The following ARMC2 variants were observed in gnomAD, a reference collection of about 807,000 sequenced individuals.
The protein encoded by ARMC2 is armadillo repeat-containing protein 2.
ARMC2 carries 67 observed loss-of-function variants against 90.3 expected under a neutral mutation model. The ratio of observed to expected loss-of-function variants is 0.74; its 90% CI spans 0.61 to 0.91. ARMC2 has a LOEUF of 0.91. ARMC2 is among the 40% of genes least tolerant of loss of function. The pLI is 0.00. For synonymous variants in ARMC2, 393 were observed against 393.0 expected (o/e 1.00, Z 0.00); for missense variants, 920 against 1,030.9 (o/e 0.89, Z 1.47).
At chr6:108,959,295 A>G (rs1046901046) in intron 13 of ARMC2, among the ~76,000 whole-genome samples, 1 of 152,210 alleles carries the variant, frequency 6.6e-6, no homozygotes, top group Non-Finnish European at 1.5e-5. Context: ...ACAGGAAAAG[A>G]TGGCCAAAGG....
At chr6:109,024,429 G>A in the ARMC2 span, among the ~76,000 whole-genome samples, 2 of 152,032 alleles carry the variant, frequency 1.3e-5, no homozygotes, top group Admixed American at 1.3e-4. Flanking sequence ...TTTCTATAAG[G>A]GTAATGGTCC....
the ARMC2 span, among the ~76,000 whole-genome samples, chr6:109,005,370 A>C: frequency 6.6e-6 from 1 of 152,174 alleles, no homozygotes; most frequent in South Asian, 2.1e-4. Flanking sequence ...AGGAAAAAAA[A>C]CCTCACTGAT....
At chr6:108,863,490 A>C (rs1037666414) in intron 3 of ARMC2, among the ~76,000 whole-genome samples, 12 of 152,164 alleles carry the variant, frequency 7.9e-5, no homozygotes, top group Admixed American at 7.9e-4. Flanking sequence ...GAGCACTGAG[A>C]CCTGGGGCAG....
At chr6:108,942,224 C>A (rs1442872412) in intron 12 of ARMC2, among the ~76,000 whole-genome samples, 2 of 152,192 alleles carry the variant, frequency 1.3e-5, no homozygotes, top group African/African-American at 4.8e-5. Flanking sequence ...GCTTTGGCAC[C>A]TGTAAGGTGT....
chr6:108,869,196 A>T (rs1449789510), intron 4 of ARMC2, among the ~76,000 whole-genome samples: 1 of 152,236 alleles, frequency 6.6e-6, no homozygotes, highest in Non-Finnish European at 1.5e-5. Flanking sequence ...TAAATATTAC[A>T]GTTGGTAGGA....
At chr6:108,998,857 C>G in the ARMC2 span, 4 of 1,322,806 alleles carry the variant, frequency 3.0e-6, no homozygotes, top group South Asian at 4.6e-5. Context: ...AGTCATCATA[C>G]AAAGCCTAGC....
rs143265652 is a variant in ARMC2 at position 108,871,500 on chromosome 6, T to A, written c.463+2505T>A. On this transcript the variant is annotated intron_variant, in intron 4 of 17. Transcript: ENST00000392644. ...GGGACCTGGAGGTGAAGGGCACTTCTTATGAACAGGATGGCAGGATTGGTG... is the reference window on the plus strand; with the variant it reads ...GGGACCTGGAGGTGAAGGGCACTTCATATGAACAGGATGGCAGGATTGGTG... 4.1e-3 allele frequency among the ~76,000 whole-genome samples: 617 copies of A among 152,304 alleles called. 2 individuals carry two copies. Among genetic ancestry groups the A allele is most frequent in the African/African-American group, 0.014 (578 of 41,572 alleles).
chr6:108,886,458 A>G (rs1778110811), intron 5 of ARMC2, among the ~76,000 whole-genome samples: 2 of 152,058 alleles, frequency 1.3e-5, no homozygotes. Context: ...AATCCCAACT[A>G]CTTTTGGGAG....
At chr6:108,905,677 A>G (rs1772612060) in intron 8 of ARMC2, among the ~76,000 whole-genome samples, 1 of 152,226 alleles carries the variant, frequency 6.6e-6, no homozygotes, top group South Asian at 2.1e-4. Context: ...TATGACACAA[A>G]TTTAACTATT....
intron 12 of ARMC2, among the ~76,000 whole-genome samples, chr6:108,947,943 G>A (rs986180499): frequency 5.3e-5 from 8 of 152,260 alleles, no homozygotes; most frequent in Middle Eastern, 3.4e-3. Context: ...CTATAAAAAT[G>A]GAGTGTTAAT....
chr6:109,008,950 G>A, the ARMC2 span: 1 of 994,056 alleles, frequency 1.0e-6, no homozygotes, highest in Non-Finnish European at 1.2e-6. Context: ...GTTTTCACAA[G>A]ACAAGACAAT....
chr6:109,001,161 CTG>C, the ARMC2 span: 2 of 798,460 alleles, frequency 2.5e-6, no homozygotes, highest in African/African-American at 1.7e-5. Context: ...AAAACAGAGA[CTG>C]TGCAACAGGA....
intron 13 of ARMC2, 74 bp downstream of exon 13, chr6:108,953,425 TG>T: frequency 7.0e-7 from 1 of 1,425,704 alleles, no homozygotes. Flanking sequence ...TCTGTGTCTG[TG>T]GTGTGATGAG....
At chr6:108,985,025 T>C in the ARMC2 span, among the ~76,000 whole-genome samples, 2 of 152,236 alleles carry the variant, frequency 1.3e-5, no homozygotes, top group Admixed American at 6.5e-5. Flanking sequence ...TACTCCCATC[T>C]ACCAGTGTTA....
At chr6:108,907,529 C>A (rs1289513255) in intron 8 of ARMC2, 14 of 998,592 alleles carry the variant, frequency 1.4e-5, no homozygotes, top group East Asian at 6.0e-5. Context: ...TGAAAGAATT[C>A]AGCAACGATC....
At chr6:109,003,099 T>TTC in the ARMC2 span, among the ~76,000 whole-genome samples, 1 of 152,060 alleles carries the variant, frequency 6.6e-6, no homozygotes, top group Non-Finnish European at 1.5e-5. Context: ...CTGTTAGGGT[T>TTC]TCCTTTCCCT....
intron 5 of ARMC2, among the ~76,000 whole-genome samples, chr6:108,879,207 C>A (rs1777242215): frequency 6.7e-6 from 1 of 149,382 alleles, no homozygotes; most frequent in African/African-American, 2.5e-5. Context: ...CATCTGTCTA[C>A]CCATCCACCC....
At chr6:109,023,002 C>T in the ARMC2 span, among the ~76,000 whole-genome samples, 3 of 152,198 alleles carry the variant, frequency 2.0e-5, no homozygotes, top group East Asian at 3.8e-4. Flanking sequence ...TCTTCCCCTG[C>T]ACTATGTTCC....
the ARMC2 span, among the ~76,000 whole-genome samples, chr6:109,018,638 G>A: frequency 1.3e-5 from 2 of 152,096 alleles, no homozygotes; most frequent in African/African-American, 2.4e-5. Flanking sequence ...GGTGCTTATT[G>A]TTTTAACTTT....
Sources: allele counts gnomAD v4.1 joint callset (sites outside exome capture counted in the v4.1 genomes callset), GRCh38; gene constraint gnomAD v4.1.1; transcripts MANE v1.5; gene names NCBI Gene and HGNC (gene_info 2026-07-23, HGNC 2026-07-21).